The following DNMT3A variants were observed in gnomAD, a reference collection of about 807,000 sequenced individuals.
DNMT3A encodes DNA methyltransferase 3 alpha.
DNMT3A carries 267 observed loss-of-function variants against 117.6 expected under a neutral mutation model. The observed-to-expected ratio is 2.27, with a 90% confidence interval of 2.05 to 2.51. DNMT3A has a LOEUF of 2.51. DNMT3A is among the 30% of genes most tolerant of loss of function. The pLI is 0.00. For missense variants in DNMT3A, 1,029 were observed against 1,260.2 expected (o/e 0.82, Z 2.78); for synonymous variants, 432 against 474.8 (o/e 0.91, Z 1.17).
rs560181946 is a variant in DNMT3A at position 25,318,252 on chromosome 2, A to G, written c.-177-4091T>C. 3.9e-5 allele frequency among the ~76,000 whole-genome samples: 6 copies of G among 152,266 alleles called. 1 individual carries two copies. Among genetic ancestry groups the G allele is most frequent in the African/African-American group, 1.4e-4 (6 of 41,552 alleles). The stretch of plus-strand genomic sequence containing the variant: ...AGACTTGAAAACCAACAAGTCCACT[A>G]TCATTCTCAGAGCTTCCGATCAGTT... On this transcript the variant is annotated intron_variant, in intron 1 of 22. Coordinates refer to ENST00000321117, the MANE Select transcript of DNMT3A (RefSeq NM_022552.5).
chr2:25,303,915 G>A (rs774405414), intron 2 of DNMT3A, among the ~76,000 whole-genome samples: 13 of 152,224 alleles, frequency 8.5e-5, no homozygotes, highest in Non-Finnish European at 1.2e-4. Flanking sequence ...CATCTGTCAC[G>A]GGGTCTGTTT....
chr2:25,341,966 TCGCTCCCTCCCTCCGCTCGCTGTCG>T (rs1353589357), upstream of DNMT3A: 5 of 950,380 alleles, frequency 5.3e-6, no homozygotes, highest in Non-Finnish European at 6.1e-6. Flanking sequence ...CCTCGCTCGC[TCGCTCCCTCCCTCCGCTCGCTGTCG>T]CGCTCCCTCT....
At position 25,247,198 on chromosome 2, in the gene DNMT3A, C is replaced by CTT. The variant is rs1405138431; in HGVS notation, c.1015-42_1015-41dup. On this transcript the variant is annotated intron_variant, in intron 8 of 22. Coordinates refer to ENST00000321117, the MANE Select transcript of DNMT3A (RefSeq NM_022552.5). The surrounding 1 kb of genome is among the most constrained non-coding windows in gnomAD (Gnocchi z 5.6). ...CAGGCCTTGTTTGCCGAGGCTTACA[C>CTT]TTGCAAGCACCCACCCCATGCCTTG... 1 of 1,595,960 alleles carries CTT rather than the reference C, an allele frequency of 6.3e-7. No homozygotes were observed. The highest frequency in any genetic ancestry group is 8.6e-7 in the Non-Finnish European group (1 of 1,167,952).
At chr2:25,342,457 G>C (rs1239545753), upstream of DNMT3A, 1 of 152,102 alleles carries the variant, frequency 6.6e-6, no homozygotes, top group African/African-American at 2.4e-5. The surrounding 1 kb of genome is among the most constrained non-coding windows in gnomAD (Gnocchi z 5.9). Context: ...CTGGGTCCCC[G>C]CATCCAGCAC....
chr2:25,341,956 CCTCG>C (rs963995927), upstream of DNMT3A: 28 of 973,294 alleles, frequency 2.9e-5, no homozygotes, highest in Admixed American at 6.5e-5. Context: ...CGCCTGCCTG[CCTCG>C]CTCGCTCGCT....
intron 1 of DNMT3A, among the ~76,000 whole-genome samples, chr2:25,316,851 A>G (rs1156534767): frequency 6.7e-6 from 1 of 148,950 alleles, no homozygotes; most frequent in East Asian, 2.0e-4. Flanking sequence ...TCCTCCTTTT[A>G]GAGTCCACAG....
chr2:25,275,769 G>C (rs2031360406), intron 4 of DNMT3A, among the ~76,000 whole-genome samples: 1 of 152,216 alleles, frequency 6.6e-6, no homozygotes, highest in African/African-American at 2.4e-5. Flanking sequence ...GGCAGGGGCA[G>C]GCCTTGAGGC....
At chr2:25,323,151 C>T (rs907705138) in intron 1 of DNMT3A, among the ~76,000 whole-genome samples, 9 of 152,098 alleles carry the variant, frequency 5.9e-5, no homozygotes, top group Admixed American at 5.9e-4. Context: ...TCCCTGGAAC[C>T]TTTTTATCGA....
intron 1 of DNMT3A, among the ~76,000 whole-genome samples, chr2:25,333,723 G>A (rs1211345097): frequency 3.9e-5 from 6 of 152,312 alleles, no homozygotes; most frequent in South Asian, 2.1e-4. Context: ...CAACCCCCAC[G>A]TAAAGAAAAG....
At chr2:25,333,684 G>A (rs1256138123) in intron 1 of DNMT3A, among the ~76,000 whole-genome samples, 1 of 152,148 alleles carries the variant, frequency 6.6e-6, no homozygotes, top group Admixed American at 6.5e-5. Context: ...GGGCTTTGTG[G>A]GGGTCACCCT....
chr2:25,295,237 C>A (rs149304506), intron 3 of DNMT3A, among the ~76,000 whole-genome samples: 348 of 152,226 alleles, frequency 2.3e-3, no homozygotes, highest in African/African-American at 6.9e-3. Context: ...CACCCACACA[C>A]GGGCTCAGCT....
Position 25,314,010 on chromosome 2 carries a change from C to T in DNMT3A, c.-26G>A. ...CTGGGCGCCGGGAGGCAGGCTGGGG[C>T]TGCGCGGGGCTGGGGGGCTGCTGGG... On this transcript the variant is annotated 5_prime_UTR_variant, in exon 2 of 23. Transcript: ENST00000321117. 1.3e-6 allele frequency: 2 copies of T among 1,523,088 alleles called. No individual in the cohort carries two copies. Among genetic ancestry groups the T allele is most frequent in the Non-Finnish European group, 1.8e-6 (2 of 1,134,250 alleles). 94.3% of individuals were successfully genotyped at this position (1,523,088 alleles called of 1,614,324 possible). A position where few individuals can be genotyped will look rare whatever the true frequency, so the allele number is the denominator to read the frequency against.
chr2:25,259,502 G>C (rs1437625438), intron 6 of DNMT3A, among the ~76,000 whole-genome samples: 2 of 152,164 alleles, frequency 1.3e-5, no homozygotes, highest in Non-Finnish European at 2.9e-5. Context: ...AGAATCACAC[G>C]TATCTGCTAA....
rs568207978 is a variant in DNMT3A, at chr2:25,244,214, G to A, written c.1792C>T (p.Arg598Ter). ...TGGAGCCGGGAGGGCCAGTCCTCTC[G>A]CCGCCGCAGCAGCCCGTAGGTACCC... ...HKGTYGLLRR[R>*]EDWPSRLQMF... Residue 598 changes from arginine to a stop codon, truncating the protein, a stop_gained, in exon 15 of 23, where the codon CGA (arginine) becomes TGA (stop). Coordinates refer to ENST00000321117, the MANE Select transcript of DNMT3A (RefSeq NM_022552.5). LOFTEE classifies it high-confidence loss of function. The A allele has an allele frequency of 2.9e-5, 46 of 1,613,732 alleles. No individual in the cohort carries two copies. The highest frequency in any genetic ancestry group is 3.3e-5 in the Admixed American group (2 of 60,020).
chr2:25,251,104 G>C (rs573408435), intron 6 of DNMT3A, among the ~76,000 whole-genome samples: 4 of 149,984 alleles, frequency 2.7e-5, no homozygotes, highest in Admixed American at 6.6e-5. Context: ...GGCGGAGGAG[G>C]AAGGGGCCTC....
chr2:25,241,588 C>G lies in DNMT3A; in HGVS notation c.2056G>C (p.Asp686His), dbSNP rs767224028. 1 of 1,612,786 alleles carries G rather than the reference C, an allele frequency of 6.2e-7. No individual in the cohort carries two copies. The highest frequency in any genetic ancestry group is 8.5e-7 in the Non-Finnish European group (1 of 1,179,432). ...RHQGKIMYVG[D>H]VRSVTQKHIQ... ...TGCTTCTGTGTGACGCTGCGGACGT[C>G]CCCGACGTACATGATCTTCCCCTGG... is the stretch of plus-strand genomic sequence containing the variant. The change falls in exon 17 of 23, where the codon GAC becomes CAC. Residue 686 changes from aspartate (D) to histidine (H), a missense_variant. Physicochemically the swap from Asp to His is moderately conservative, Grantham distance 81 (BLOSUM62 -1). Transcript: ENST00000321117.
intron 6 of DNMT3A, among the ~76,000 whole-genome samples, chr2:25,260,813 C>T (rs1187395277): frequency 6.6e-6 from 1 of 151,926 alleles, no homozygotes; most frequent in African/African-American, 2.4e-5. Flanking sequence ...GCGGGGTGGT[C>T]GCAGGGAGTT....
intron 4 of DNMT3A, among the ~76,000 whole-genome samples, chr2:25,280,523 G>A (rs2031812914): frequency 1.3e-5 from 2 of 152,086 alleles, no homozygotes; most frequent in South Asian, 2.1e-4. Context: ...GACTCCCTTC[G>A]CCCTTCAGCT....
chr2:25,277,863 T>C (rs1474966783), intron 4 of DNMT3A, among the ~76,000 whole-genome samples: 1 of 151,896 alleles, frequency 6.6e-6, no homozygotes, highest in Non-Finnish European at 1.5e-5. Context: ...CTACTGTTAT[T>C]TCTCAATGTG....
Sources: gnomAD v4.1 joint callset for allele counts (sites outside exome capture counted in the v4.1 genomes callset) on GRCh38, gnomAD v4.1.1 for gene constraint, Gnocchi (gnomAD v3.1) non-coding constraint, MANE v1.5 for transcripts, NCBI Gene and HGNC (gene_info 2026-07-23, HGNC 2026-07-21) for gene names.